ENOX1: variants seen among roughly 807,000 people sequenced by gnomAD.
The protein encoded by ENOX1 is ecto-NOX disulfide-thiol exchanger 1, also known as candidate growth-related and time keeping constitutive hydroquinone (NADH) oxidase.
Under a neutral mutation model 82.5 loss-of-function variants are expected in ENOX1, and 42 were observed. That is an observed-to-expected ratio of 0.51 (90% CI 0.40 to 0.66). The LOEUF is 0.66. ENOX1 is among the 30% of genes least tolerant of loss of function. ENOX1 has a pLI of 0.00. For synonymous variants in ENOX1, 271 were observed against 282.2 expected (o/e 0.96, Z 0.40); for missense variants, 608 against 811.6 (o/e 0.75, Z 3.05).
chr13:43,630,548 T>C (rs1354550598), intron 2 of ENOX1, among the ~76,000 whole-genome samples: 1 of 152,060 alleles, frequency 6.6e-6, no homozygotes, highest in Non-Finnish European at 1.5e-5. Context: ...CTGAAGCTCC[T>C]GCCCTTTACT....
intron 1 of ENOX1, among the ~76,000 whole-genome samples, chr13:43,691,202 T>C (rs1207055796): frequency 6.6e-6 from 1 of 152,082 alleles, no homozygotes; most frequent in Non-Finnish European, 1.5e-5. Flanking sequence ...TAGGACCACC[T>C]TTCACTCTCC....
chr13:43,298,662 A>G, intron 11 of ENOX1, 132 bp from the exon 12 acceptor site: 1 of 736,840 alleles, frequency 1.4e-6, no homozygotes, highest in Non-Finnish European at 2.1e-6. Flanking sequence ...GCAAAATGCC[A>G]CTCCCTGGGC....
At chr13:43,323,486 A>C in intron 10 of ENOX1, among the ~76,000 whole-genome samples, 1 of 152,340 alleles carries the variant, frequency 6.6e-6, no homozygotes, top group East Asian at 1.9e-4. Flanking sequence ...ATTACACAGG[A>C]AATTTCTTAC....
At chr13:43,379,184 C>A (rs991493589) in intron 5 of ENOX1, among the ~76,000 whole-genome samples, 2 of 152,124 alleles carry the variant, frequency 1.3e-5, no homozygotes, top group African/African-American at 4.8e-5. Context: ...AGATTTCCAA[C>A]CACAGTACTA....
chr13:43,214,692 A>G (rs1321675812), intron 16 of ENOX1, among the ~76,000 whole-genome samples: 2 of 152,134 alleles, frequency 1.3e-5, no homozygotes, highest in Non-Finnish European at 2.9e-5. Flanking sequence ...ATTCAGGTAT[A>G]TTTTTTAATG....
At chr13:43,242,835 A>T (rs1307687072) in intron 14 of ENOX1, among the ~76,000 whole-genome samples, 1 of 152,186 alleles carries the variant, frequency 6.6e-6, no homozygotes, top group African/African-American at 2.4e-5. Context: ...GTAAAGCTTC[A>T]TTTAAAGAAA....
At chr13:43,393,568 T>G (rs1594300773) in intron 5 of ENOX1, among the ~76,000 whole-genome samples, 1 of 151,548 alleles carries the variant, frequency 6.6e-6, no homozygotes, top group East Asian at 2.0e-4. Context: ...GATGGATGGA[T>G]GGACTAACGA....
At chr13:43,768,868 G>A (rs1951433560) in intron 1 of ENOX1, among the ~76,000 whole-genome samples, 1 of 152,074 alleles carries the variant, frequency 6.6e-6, no homozygotes, top group African/African-American at 2.4e-5. Context: ...AACCTTACTT[G>A]GGCCATTTAC....
intron 1 of ENOX1, among the ~76,000 whole-genome samples, chr13:43,779,183 TAAAAA>T (rs57388902): frequency 8.5e-6 from 1 of 118,080 alleles, no homozygotes; most frequent in African/African-American, 3.1e-5. Context: ...CCTCGTTATT[TAAAAA>T]AAAAAAAAAA....
At chr13:43,528,713 G>A (rs979629750) in intron 2 of ENOX1, among the ~76,000 whole-genome samples, 1 of 152,080 alleles carries the variant, frequency 6.6e-6, no homozygotes, top group East Asian at 1.9e-4. Flanking sequence ...GAGAATCCTA[G>A]GTTCAAAAAG....
intron 5 of ENOX1, among the ~76,000 whole-genome samples, chr13:43,367,739 TG>T (rs1440414120): frequency 1.7e-5 from 1 of 59,862 alleles, no homozygotes; most frequent in African/African-American, 6.8e-5. Context: ...GGGTTGAGGG[TG>T]GGGGGTGGGG....
chr13:43,610,786 G>A (rs947243514), intron 2 of ENOX1, among the ~76,000 whole-genome samples: 1 of 150,540 alleles, frequency 6.6e-6, no homozygotes, highest in Non-Finnish European at 1.5e-5. Context: ...ATGACTTACC[G>A]ATCCAGGAAA....
rs1014148510 is a variant in ENOX1 at position 43,316,536 on chromosome 13, C to T, written c.1261+5848G>A. 7.9e-5 allele frequency among the ~76,000 whole-genome samples: 12 copies of T among 151,996 alleles called. No homozygotes were observed. In the East Asian group the frequency reaches 1.9e-3, roughly 25 times the overall value. On this transcript the variant is annotated intron_variant, in intron 11 of 16. Transcript: ENST00000690772. ...ACAAAACAAACACAGTCTGGTTGGG[C>T]AGAAGGAGTGCTTCCATTGAAATGG...
intron 2 of ENOX1, among the ~76,000 whole-genome samples, chr13:43,641,494 G>A (rs2083645929): frequency 6.8e-6 from 1 of 147,850 alleles, no homozygotes; most frequent in Non-Finnish European, 1.5e-5. Context: ...ACTGAAATCA[G>A]AGACACAAAA....
At chr13:43,414,196 AAATGGAAGCT>A (rs2054308156) in intron 3 of ENOX1, among the ~76,000 whole-genome samples, 1 of 152,196 alleles carries the variant, frequency 6.6e-6, no homozygotes, top group Non-Finnish European at 1.5e-5. Flanking sequence ...AGTTTAATTC[AAATGGAAGCT>A]AAGGGTTCAA....
intron 2 of ENOX1, among the ~76,000 whole-genome samples, chr13:43,535,845 A>G (rs1219378563): frequency 1.3e-5 from 2 of 152,044 alleles, no homozygotes; most frequent in Non-Finnish European, 2.9e-5. Context: ...ATACAGTTCC[A>G]CTCCTTGTTC....
chr13:43,553,468 G>A (rs1210794352), intron 2 of ENOX1, among the ~76,000 whole-genome samples: 2 of 152,162 alleles, frequency 1.3e-5, no homozygotes, highest in African/African-American at 2.4e-5. Context: ...AGTACTCACC[G>A]CTTCTTTAAA....
chr13:43,360,160 G>A, intron 6 of ENOX1, 103 bp from the exon 7 acceptor site: 1 of 1,028,602 alleles, frequency 9.7e-7, no homozygotes, highest in Non-Finnish European at 1.4e-6. Context: ...TCCAGACTGA[G>A]TGACGGTAAA....
intron 12 of ENOX1, among the ~76,000 whole-genome samples, chr13:43,284,652 T>C (rs1021174822): frequency 6.6e-6 from 1 of 152,216 alleles, no homozygotes; most frequent in Non-Finnish European, 1.5e-5. Context: ...TGTGTTGGTC[T>C]TTCATTTATA....
Sources: allele counts gnomAD v4.1 joint callset (sites outside exome capture counted in the v4.1 genomes callset), GRCh38; gene constraint gnomAD v4.1.1; transcripts MANE v1.5; gene names NCBI Gene and HGNC (gene_info 2026-07-23, HGNC 2026-07-21).